Variants in SLC24A3 observed in about 807,000 individuals in gnomAD.
SLC24A3 encodes the protein solute carrier family 24 member 3.
In SLC24A3, 28 loss-of-function variants were observed where a neutral mutation model predicts 75.8. That is an observed-to-expected ratio of 0.37 (90% confidence interval 0.27 to 0.51). SLC24A3 has a LOEUF of 0.51. SLC24A3 is among the 20% of genes least tolerant of loss of function. The pLI is 0.94. For synonymous variants in SLC24A3, 372 were observed against 334.1 expected, an observed-to-expected ratio of 1.11 and a Z score of -1.24; for missense variants, 663 against 847.8, an observed-to-expected ratio of 0.78 and a Z score of 2.71.
intron 6 of SLC24A3, among the ~76,000 whole-genome samples, chr20:19,590,401 C>A (rs1600293058): frequency 6.6e-6 from 1 of 152,152 alleles, no homozygotes; most frequent in East Asian, 1.9e-4. Flanking sequence ...CTGTTCCAAT[C>A]CTGAGATGCA....
chr20:19,357,532 G>A (rs1480381395), intron 2 of SLC24A3, among the ~76,000 whole-genome samples: 1 of 152,074 alleles, frequency 6.6e-6, no homozygotes, highest in Non-Finnish European at 1.5e-5. Flanking sequence ...ATTCTTTCTT[G>A]TTACTATGTT....
chr20:19,249,900 A>G (rs1477072490), intron 1 of SLC24A3, among the ~76,000 whole-genome samples: 2 of 152,248 alleles, frequency 1.3e-5, no homozygotes, highest in Admixed American at 1.3e-4. Context: ...TAATGCCTAC[A>G]GAACTATGCC....
At chr20:19,510,546 C>T (rs905950386) in intron 2 of SLC24A3, among the ~76,000 whole-genome samples, 1 of 152,194 alleles carries the variant, frequency 6.6e-6, no homozygotes, top group Non-Finnish European at 1.5e-5. Context: ...TATGTTGAAG[C>T]CCTAACCCCC....
intron 2 of SLC24A3, among the ~76,000 whole-genome samples, chr20:19,329,662 G>C (rs551437499): frequency 6.6e-6 from 1 of 152,280 alleles, no homozygotes; most frequent in African/African-American, 2.4e-5. Flanking sequence ...GATATATTGT[G>C]GATTTATTCT....
intron 3 of SLC24A3, among the ~76,000 whole-genome samples, chr20:19,551,220 G>A (rs567448087): frequency 6.6e-6 from 1 of 152,324 alleles, no homozygotes; most frequent in African/African-American, 2.4e-5. Context: ...GACTGTGGGA[G>A]TCAGGACCTC....
At chr20:19,696,173 A>G (rs1382324978) in intron 13 of SLC24A3, 1 of 151,872 alleles carries the variant, frequency 6.6e-6, no homozygotes, top group Non-Finnish European at 1.5e-5. Context: ...ATACACCACC[A>G]TGCCCAGCTA....
chr20:19,360,265 A>G (rs1019193889), intron 2 of SLC24A3, among the ~76,000 whole-genome samples: 24 of 152,358 alleles, frequency 1.6e-4, no homozygotes, highest in East Asian at 1.9e-4. Flanking sequence ...CAGTGAGTCA[A>G]CTGATCCTGT....
At chr20:19,718,251 A>C (rs771186171) in intron 16 of SLC24A3, among the ~76,000 whole-genome samples, 23 of 152,254 alleles carry the variant, frequency 1.5e-4, no homozygotes, top group Non-Finnish European at 3.2e-4. Flanking sequence ...TCAGAAGGAC[A>C]GGCAGGAAGC....
intron 3 of SLC24A3, among the ~76,000 whole-genome samples, chr20:19,577,619 G>A (rs1600287328): frequency 6.6e-6 from 1 of 152,140 alleles, no homozygotes; most frequent in Admixed American, 6.5e-5. Flanking sequence ...AACTGAGAGA[G>A]AAATGTAGCC....
chr20:19,594,313 C>T (rs553682758), intron 6 of SLC24A3, among the ~76,000 whole-genome samples: 7 of 152,190 alleles, frequency 4.6e-5, no homozygotes, highest in Non-Finnish European at 1.0e-4. Context: ...TGCCCTAGGT[C>T]CAAGCAGCTA....
At chr20:19,598,657 A>G (rs921042101) in intron 6 of SLC24A3, among the ~76,000 whole-genome samples, 1 of 152,106 alleles carries the variant, frequency 6.6e-6, no homozygotes, top group Non-Finnish European at 1.5e-5. Context: ...GAATTAGGGC[A>G]CTTGGTGAGG....
At chr20:19,352,828 G>C in intron 2 of SLC24A3, among the ~76,000 whole-genome samples, 1 of 152,110 alleles carries the variant, frequency 6.6e-6, no homozygotes, top group East Asian at 1.9e-4. Context: ...TGCTTTTATT[G>C]TCATGTGTCT....
chr20:19,362,781 A>C (rs1985814531), intron 2 of SLC24A3, among the ~76,000 whole-genome samples: 1 of 152,142 alleles, frequency 6.6e-6, no homozygotes, highest in African/African-American at 2.4e-5. Context: ...ACAGTCACAC[A>C]AACAGAATAA....
At chr20:19,598,045 C>T (rs1006097191) in intron 6 of SLC24A3, among the ~76,000 whole-genome samples, 1 of 152,142 alleles carries the variant, frequency 6.6e-6, no homozygotes, top group African/African-American at 2.4e-5. Flanking sequence ...GCAGCGTATC[C>T]CTTCAATACT....
intron 2 of SLC24A3, among the ~76,000 whole-genome samples, chr20:19,467,714 C>G (rs1987791600): frequency 6.6e-6 from 1 of 152,048 alleles, no homozygotes; most frequent in African/African-American, 2.4e-5. Context: ...AACCCCATCT[C>G]CACTAAAAAT....
At chr20:19,523,444 G>A (rs959054911) in intron 3 of SLC24A3, among the ~76,000 whole-genome samples, 41 of 152,346 alleles carry the variant, frequency 2.7e-4, no homozygotes, top group African/African-American at 9.4e-4. Context: ...GTCCAGAGAG[G>A]ATTAGCACAA....
chr20:19,631,231 C>G (rs967397965), intron 6 of SLC24A3, among the ~76,000 whole-genome samples: 1 of 152,028 alleles, frequency 6.6e-6, no homozygotes, highest in Non-Finnish European at 1.5e-5. Flanking sequence ...CTGGTAGTAC[C>G]ACATGTAGAC....
intron 3 of SLC24A3, among the ~76,000 whole-genome samples, chr20:19,575,195 T>A (rs1411218603): frequency 7.1e-6 from 1 of 140,558 alleles, no homozygotes; most frequent in South Asian, 2.2e-4. Context: ...AAAGCTGCAG[T>A]GAACTATGAG....
intron 8 of SLC24A3, 82 bp from the exon 9 acceptor site, chr20:19,673,519 A>C (rs1294105165): frequency 3.2e-6 from 4 of 1,248,820 alleles, no homozygotes; most frequent in Non-Finnish European, 4.7e-6. Context: ...GGCCGTTTGC[A>C]TCAAATATGT....
Sources: gnomAD v4.1 joint callset for allele counts (sites outside exome capture counted in the v4.1 genomes callset) on GRCh38, gnomAD v4.1.1 for gene constraint, MANE v1.5 for transcripts, NCBI Gene and HGNC (gene_info 2026-07-23, HGNC 2026-07-21) for gene names.